The following HMCN1 variants were observed in gnomAD, a reference collection of about 807,000 sequenced individuals.
HMCN1 encodes the protein hemicentin 1, also known as hemicentin-1.
A neutral mutation model predicts 625.9 loss-of-function variants in HMCN1; 321 were observed. The ratio of observed to expected loss-of-function variants is 0.51; its 90% confidence interval spans 0.47 to 0.56. The LOEUF is 0.56. Ranked by LOEUF, HMCN1 falls within the 20% of genes least tolerant of loss-of-function variation. HMCN1 has a pLI of 0.00. For synonymous variants in HMCN1, 2,425 were observed against 2,417.6 expected, an observed-to-expected ratio of 1.00 and a Z score of -0.09; for missense variants, 6,588 against 6,887.3, an observed-to-expected ratio of 0.96 and a Z score of 1.54.
At chr1:185,747,435 T>C (rs1005944789) in intron 1 of HMCN1, among the ~76,000 whole-genome samples, 3 of 152,106 alleles carry the variant, frequency 2.0e-5, no homozygotes, top group African/African-American at 7.2e-5. Context: ...TCTCATGCCT[T>C]AGCCTCCCAA....
In HMCN1 at chr1:185,925,116, C is replaced by G; in HGVS notation, c.1355C>G (p.Ser452Cys). Residue 452 changes from serine to cysteine, a missense_variant, in exon 9 of 107, where the codon TCT becomes TGT. By Grantham distance (112) the Ser-to-Cys change is moderately radical. Transcript: ENST00000271588. Reference sequence around the variant, plus strand: ...CTGCAGCCGGGCCAAATTCCCTGCTCTGTTGACAGTCTTTTGCCCTTTACC... The same window carrying G: ...CTGCAGCCGGGCCAAATTCCCTGCTGTGTTGACAGTCTTTTGCCCTTTACC... ...YYLQPGQIPC[S>C]VDSLLPFTLS... 1.2e-6 allele frequency: 2 copies of G among 1,613,818 alleles called. No homozygotes were observed. The highest frequency in any genetic ancestry group is 1.7e-6 in the Non-Finnish European group (2 of 1,179,770).
chr1:185,753,076 A>G (rs528654303), intron 1 of HMCN1, among the ~76,000 whole-genome samples: 1 of 152,216 alleles, frequency 6.6e-6, no homozygotes, highest in Non-Finnish European at 1.5e-5. Context: ...AAATCATATG[A>G]TCATCTAAAT....
At chr1:185,791,411 A>G (rs574548048) in intron 1 of HMCN1, among the ~76,000 whole-genome samples, 1 of 152,310 alleles carries the variant, frequency 6.6e-6, no homozygotes, top group South Asian at 2.1e-4. Flanking sequence ...ACTGAAAACT[A>G]AATTATTCTA....
At chr1:185,996,409 G>A (rs1318932526) in intron 24 of HMCN1, among the ~76,000 whole-genome samples, 1 of 152,140 alleles carries the variant, frequency 6.6e-6, no homozygotes, top group Non-Finnish European at 1.5e-5. Flanking sequence ...ACTGAGGGCT[G>A]AGTAATATGT....
At position 185,909,749 on chromosome 1, in the gene HMCN1, A is replaced by T. The variant is rs926427130; in HGVS notation, c.793+241A>T. 2.0e-5 allele frequency among the ~76,000 whole-genome samples: 3 copies of T among 152,152 alleles called. No homozygotes were observed. The East Asian group carries it at 5.8e-4, about 29-fold the overall frequency. The stretch of plus-strand genomic sequence containing the variant: ...TAAAGAGGTCAGATGTAGTATACTA[A>T]TTATATTTAAATGATCCAAAATAAA... On this transcript the variant is annotated intron_variant, in intron 5 of 106. Transcript: ENST00000271588.
At chr1:185,910,717 C>T (rs534857049) in intron 5 of HMCN1, among the ~76,000 whole-genome samples, 19 of 151,850 alleles carry the variant, frequency 1.3e-4, no homozygotes, top group Non-Finnish European at 2.4e-4. Context: ...ATTACAGGTG[C>T]GCACCACCAC....
chr1:185,796,010 T>C (rs1250067763), intron 1 of HMCN1, among the ~76,000 whole-genome samples: 1 of 152,186 alleles, frequency 6.6e-6, no homozygotes, highest in Non-Finnish European at 1.5e-5. Flanking sequence ...ACGGATATCT[T>C]ATGTAGTGAT....
intron 14 of HMCN1, among the ~76,000 whole-genome samples, chr1:185,970,041 C>G (rs183291227): frequency 6.6e-4 from 100 of 152,278 alleles, no homozygotes; most frequent in African/African-American, 2.3e-3. Flanking sequence ...TCCCCACTCC[C>G]TTGTTACCTA....
chr1:185,787,216 G>A (rs541638109), intron 1 of HMCN1, among the ~76,000 whole-genome samples: 15 of 151,806 alleles, frequency 9.9e-5, no homozygotes, highest in African/African-American at 3.6e-4. Flanking sequence ...TGGCCTGAAA[G>A]GCAGACAGAA....
At chr1:185,923,804 A>G (rs1667123563) in intron 8 of HMCN1, 151 bp downstream of exon 8, 1 of 693,432 alleles carries the variant, frequency 1.4e-6, no homozygotes, top group South Asian at 1.8e-5. Context: ...GTACGGTAAC[A>G]CAGTTTTTCT....
At chr1:185,747,359 C>T (rs1357524198) in intron 1 of HMCN1, among the ~76,000 whole-genome samples, 2 of 151,628 alleles carry the variant, frequency 1.3e-5, no homozygotes, top group South Asian at 2.1e-4. Flanking sequence ...TACTTCATCA[C>T]CCAGGCTGGA....
rs764237254 is a variant in HMCN1, at chr1:186,119,915, A to G, written c.12094+33A>G. 6.8e-6 allele frequency: 11 copies of G among 1,613,964 alleles called. No individual in the cohort carries two copies. The East Asian group carries it at 2.2e-4, about 33-fold the overall frequency. On this transcript the variant is annotated intron_variant, in intron 79 of 106. Coordinates refer to ENST00000271588, the MANE Select transcript of HMCN1 (RefSeq NM_031935.3). Reference sequence around the variant, plus strand: ...CCACTGTTTTTCTATCAAGAAAATCATAGCACATCAGTGTTTTATAATTCG... The same window carrying G: ...CCACTGTTTTTCTATCAAGAAAATCGTAGCACATCAGTGTTTTATAATTCG...
chr1:185,856,584 A>G (rs1662481516), intron 2 of HMCN1, among the ~76,000 whole-genome samples: 1 of 152,012 alleles, frequency 6.6e-6, no homozygotes, highest in Admixed American at 6.5e-5. Context: ...CAAATAAGAC[A>G]TTTCACACAT....
intron 87 of HMCN1, 119 bp from the exon 88 acceptor site, chr1:186,137,379 T>TA (rs1037996685): frequency 8.6e-7 from 1 of 1,161,990 alleles, no homozygotes; most frequent in African/African-American, 1.5e-5. Context: ...AGAGCTTCCA[T>TA]ACGCTATTTC....
intron 1 of HMCN1, among the ~76,000 whole-genome samples, chr1:185,798,477 C>T (rs1658557807): frequency 6.6e-6 from 1 of 152,108 alleles, no homozygotes; most frequent in African/African-American, 2.4e-5. Flanking sequence ...TTTACGAACT[C>T]TAGTTTTTCT....
intron 1 of HMCN1, among the ~76,000 whole-genome samples, chr1:185,800,521 TATA>T (rs1658723920): frequency 2.6e-5 from 4 of 152,246 alleles, no homozygotes; most frequent in Middle Eastern, 3.4e-3. Context: ...TTATATTTTA[TATA>T]ATATTTTATT....
intron 25 of HMCN1, among the ~76,000 whole-genome samples, chr1:185,999,519 T>A (rs577954857): frequency 1.3e-5 from 2 of 152,082 alleles, no homozygotes; most frequent in African/African-American, 4.8e-5. Flanking sequence ...CAGAATCAGA[T>A]CTCCAAAAGA....
intron 14 of HMCN1, among the ~76,000 whole-genome samples, chr1:185,966,721 G>A (rs1368805055): frequency 6.6e-6 from 1 of 152,116 alleles, no homozygotes; most frequent in African/African-American, 2.4e-5. Flanking sequence ...ATAGTACAAA[G>A]CACTATTGTT....
intron 4 of HMCN1, among the ~76,000 whole-genome samples, chr1:185,894,229 G>A (rs547834962): frequency 2.4e-4 from 36 of 152,218 alleles, no homozygotes; most frequent in South Asian, 1.0e-3. Flanking sequence ...TGTGTCCTTC[G>A]TATAAATGAA....
Sources: allele counts gnomAD v4.1 joint callset (sites outside exome capture counted in the v4.1 genomes callset), GRCh38; gene constraint gnomAD v4.1.1; transcripts MANE v1.5; gene names NCBI Gene and HGNC (gene_info 2026-07-23, HGNC 2026-07-21).